DLGAP2: variants seen among roughly 807,000 people sequenced by gnomAD.
DLGAP2 encodes the protein DLG associated protein 2.
In DLGAP2, 26 loss-of-function variants were observed where a neutral mutation model predicts 100.3. That is an observed-to-expected ratio of 0.26 (90% CI 0.19 to 0.36). The LOEUF (loss-of-function observed/expected upper bound fraction) is 0.36, where lower values mean the gene tolerates loss of function less well. Among genes scored for constraint, DLGAP2 ranks in the 10% least tolerant of loss-of-function variants. DLGAP2 has a pLI of 1.00. For synonymous variants in DLGAP2, 886 were observed against 630.1 expected, an observed-to-expected ratio of 1.41 and a Z score of -6.08; for missense variants, 1,858 against 1,453.2, an observed-to-expected ratio of 1.28 and a Z score of -4.53.
chr8:941,335 G>A (rs1227143344), intron 2 of DLGAP2, among the ~76,000 whole-genome samples: 2 of 152,084 alleles, frequency 1.3e-5, no homozygotes, highest in African/African-American at 4.8e-5. Context: ...GCAGCGGCAA[G>A]GTGAGATGTA....
At chr8:1,287,980 G>C (rs1227067533) in intron 3 of DLGAP2, among the ~76,000 whole-genome samples, 1 of 51,138 alleles carries the variant, frequency 2.0e-5, no homozygotes, top group Non-Finnish European at 3.3e-5. Context: ...AACTAGTTTC[G>C]GTTGAGTGTG....
intron 4 of DLGAP2, among the ~76,000 whole-genome samples, chr8:1,547,101 G>A (rs1339158107): frequency 2.0e-5 from 3 of 152,260 alleles, no homozygotes; most frequent in East Asian, 1.9e-4. Flanking sequence ...CCCGGGCAGC[G>A]ACATCTACAA....
chr8:1,466,296 C>G (rs1455159306), intron 3 of DLGAP2, among the ~76,000 whole-genome samples: 1 of 152,016 alleles, frequency 6.6e-6, no homozygotes, highest in Non-Finnish European at 1.5e-5. Flanking sequence ...TGGTGCCAGG[C>G]AACCTGAGCC....
At chr8:903,150 T>G (rs1053206081) in intron 1 of DLGAP2, among the ~76,000 whole-genome samples, 5 of 151,998 alleles carry the variant, frequency 3.3e-5, no homozygotes, top group Non-Finnish European at 5.9e-5. Context: ...CCATGCTCTT[T>G]AATCTCGTTA....
intron 3 of DLGAP2, among the ~76,000 whole-genome samples, chr8:1,425,591 C>A (rs550805103): frequency 1.3e-5 from 2 of 152,304 alleles, no homozygotes; most frequent in African/African-American, 4.8e-5. Context: ...TGGACCTCTC[C>A]AGATCCCGGA....
intron 2 of DLGAP2, among the ~76,000 whole-genome samples, chr8:1,050,910 A>T (rs1802660604): frequency 6.8e-6 from 1 of 146,218 alleles, no homozygotes; most frequent in South Asian, 2.2e-4. Flanking sequence ...AGATCGAGAG[A>T]GGCTGTCACG....
chr8:882,729 G>A (rs892596408), intron 1 of DLGAP2, among the ~76,000 whole-genome samples: 8 of 148,730 alleles, frequency 5.4e-5, no homozygotes, highest in Non-Finnish European at 1.0e-4. Context: ...CCTCTCCTGC[G>A]CGCACCCTCG....
intron 2 of DLGAP2, among the ~76,000 whole-genome samples, chr8:1,198,464 A>G (rs897499121): frequency 6.6e-6 from 1 of 151,626 alleles, no homozygotes; most frequent in Non-Finnish European, 1.5e-5. Context: ...CCACCTCTAT[A>G]AGTGCAGGTG....
chr8:1,052,321 A>G (rs1334794290), intron 2 of DLGAP2, among the ~76,000 whole-genome samples: 1 of 152,192 alleles, frequency 6.6e-6, no homozygotes, highest in Non-Finnish European at 1.5e-5. Flanking sequence ...ATGCAAAACC[A>G]TGCCAAATGC....
At chr8:1,509,321 C>G (rs1226868574) in intron 4 of DLGAP2, among the ~76,000 whole-genome samples, 3 of 106,396 alleles carry the variant, frequency 2.8e-5, no homozygotes, top group East Asian at 4.6e-4. Context: ...CAGAGCAAGA[C>G]TCCGTCCAAA....
At chr8:1,477,206 AGG>A in intron 3 of DLGAP2, among the ~76,000 whole-genome samples, 1 of 151,926 alleles carries the variant, frequency 6.6e-6, no homozygotes, top group East Asian at 2.0e-4. Context: ...GCACCTGTCC[AGG>A]ATGAGAGATC....
intron 6 of DLGAP2, among the ~76,000 whole-genome samples, chr8:1,624,890 CT>C (rs1669263897): frequency 2.8e-5 from 3 of 105,266 alleles, no homozygotes; most frequent in African/African-American, 1.5e-4. Flanking sequence ...TCTCTCTTTC[CT>C]TTTTTTGGTC....
At chr8:1,415,212 T>G (rs1796847940) in intron 3 of DLGAP2, among the ~76,000 whole-genome samples, 1 of 152,174 alleles carries the variant, frequency 6.6e-6, no homozygotes, top group African/African-American at 2.4e-5. Flanking sequence ...TGAACTTGAC[T>G]CCAGGCAGCC....
At chr8:1,658,799 G>T (rs575608398) in intron 8 of DLGAP2, among the ~76,000 whole-genome samples, 23 of 152,078 alleles carry the variant, frequency 1.5e-4, no homozygotes, top group African/African-American at 4.6e-4. Context: ...ATTCATTGAT[G>T]TTTGGAAGGT....
chr8:1,341,894 C>T (rs77251035), intron 3 of DLGAP2, among the ~76,000 whole-genome samples: 2,844 of 152,196 alleles, frequency 0.019, 77 homozygotes, highest in African/African-American at 0.065. Flanking sequence ...TTCTAGCCTG[C>T]GGGTGAAGCA....
chr8:1,464,064 C>G (rs1191051535), intron 3 of DLGAP2, among the ~76,000 whole-genome samples: 1 of 152,106 alleles, frequency 6.6e-6, no homozygotes, highest in African/African-American at 2.4e-5. Flanking sequence ...AATGTCGCAA[C>G]AGCCGCCTTC....
chr8:1,260,400 A>G (rs1035565041), intron 3 of DLGAP2, among the ~76,000 whole-genome samples: 2 of 152,094 alleles, frequency 1.3e-5, no homozygotes, highest in Non-Finnish European at 2.9e-5. Context: ...CTCTTCGTCT[A>G]CTTGTTTCTA....
chr8:1,133,889 G>T (rs1446692632), intron 2 of DLGAP2, among the ~76,000 whole-genome samples: 1 of 151,464 alleles, frequency 6.6e-6, no homozygotes, highest in Non-Finnish European at 1.5e-5. Context: ...GTGCAGGTTT[G>T]TTACATAGGT....
At chr8:1,595,491 G>A (rs1440638864) in intron 6 of DLGAP2, among the ~76,000 whole-genome samples, 31 of 149,920 alleles carry the variant, frequency 2.1e-4, no homozygotes, top group African/African-American at 5.9e-4. Flanking sequence ...GTGAAACCCC[G>A]TCTCTACTAA....
Sources: gnomAD v4.1 joint callset for allele counts (sites outside exome capture counted in the v4.1 genomes callset) on GRCh38, gnomAD v4.1.1 for gene constraint, MANE v1.5 for transcripts, NCBI Gene and HGNC (gene_info 2026-07-23, HGNC 2026-07-21) for gene names.